The following FAF1 variants were observed in gnomAD, a reference collection of about 807,000 sequenced individuals.
FAF1 encodes the protein Fas associated factor 1, also known as FAS-associated factor 1.
FAF1 carries 25 observed loss-of-function variants against 92.5 expected under a neutral mutation model. The observed-to-expected ratio is 0.27, with a 90% CI of 0.20 to 0.38. The LOEUF (loss-of-function observed/expected upper bound fraction) is 0.38. Ranked by LOEUF, FAF1 falls within the 10% of genes least tolerant of loss-of-function variation. The pLI, the probability that FAF1 is intolerant of heterozygous loss-of-function variation, is 1.00. For missense variants in FAF1, 636 were observed against 793.3 expected, an observed-to-expected ratio of 0.80 and a Z score of 2.38; for synonymous variants, 234 against 273.2, an observed-to-expected ratio of 0.86 and a Z score of 1.42.
intron 8 of FAF1, among the ~76,000 whole-genome samples, chr1:50,619,066 A>G (rs532485085): frequency 6.6e-6 from 1 of 152,174 alleles, no homozygotes; most frequent in African/African-American, 2.4e-5. Flanking sequence ...CCCTTGCTCT[A>G]TTATGTTTTA....
intron 2 of FAF1, among the ~76,000 whole-genome samples, chr1:50,825,173 C>T (rs748267117): frequency 6.6e-6 from 1 of 152,016 alleles, no homozygotes; most frequent in Non-Finnish European, 1.5e-5. Context: ...CTGATTGTAT[C>T]ATTACACACT....
rs1646741884 is a variant in FAF1 at position 50,484,630 on chromosome 1, T to C, written c.1653+5958A>G. Among the ~76,000 whole-genome samples, 5 of 152,222 alleles carry C rather than the reference T, an allele frequency of 3.3e-5. No homozygotes were observed. The South Asian group carries it at 1.0e-3, about 32-fold the overall frequency. On this transcript the variant is annotated intron_variant, in intron 17 of 18. Transcript: ENST00000396153. ...ATGATGATGACAGGGATGATTATAA[T>C]TATGGCCCAGTGTGGACAAAAGCAA...
At chr1:50,650,198 C>T (rs1183525773) in intron 8 of FAF1, among the ~76,000 whole-genome samples, 3 of 148,232 alleles carry the variant, frequency 2.0e-5, no homozygotes, top group African/African-American at 2.5e-5. Flanking sequence ...GCAGGAGAAT[C>T]GTTTGAATCC....
At chr1:50,564,295 T>TTTTTTTTTTTTTGAG (rs1266408950) in intron 13 of FAF1, among the ~76,000 whole-genome samples, 1 of 152,066 alleles carries the variant, frequency 6.6e-6, no homozygotes. Context: ...TCTAAATTTT[T>TTTTTTTTTTTTTGAG]ATGGCCTGTC....
At chr1:50,457,151 GA>G (rs199757307) in intron 18 of FAF1, among the ~76,000 whole-genome samples, 10,422 of 127,876 alleles carry the variant, frequency 0.082, 412 homozygotes, top group East Asian at 0.11. Flanking sequence ...GAGGGAAAGT[GA>G]AAAAAAAAAA....
chr1:50,694,096 G>T (rs1452429979), intron 7 of FAF1, among the ~76,000 whole-genome samples: 4 of 138,114 alleles, frequency 2.9e-5, no homozygotes, highest in Non-Finnish European at 5.9e-5. Context: ...AAAAAAAACT[G>T]ACCAGCAAAA....
chr1:50,617,396 T>C (rs564876635), intron 8 of FAF1, among the ~76,000 whole-genome samples: 7 of 152,344 alleles, frequency 4.6e-5, no homozygotes, highest in Admixed American at 1.3e-4. Flanking sequence ...ACTGCGTCTA[T>C]TGAGATGATC....
chr1:50,712,434 T>A (rs1335242479), intron 6 of FAF1, among the ~76,000 whole-genome samples: 1 of 152,064 alleles, frequency 6.6e-6, no homozygotes, highest in Non-Finnish European at 1.5e-5. Context: ...GGTGGGTGTA[T>A]CCCTTGAGGC....
At chr1:50,693,992 T>G (rs1057045028) in intron 7 of FAF1, among the ~76,000 whole-genome samples, 8 of 132,546 alleles carry the variant, frequency 6.0e-5, no homozygotes, top group African/African-American at 2.0e-4. Context: ...TATATGTATA[T>G]GTGTCATTAT....
intron 13 of FAF1, among the ~76,000 whole-genome samples, chr1:50,551,308 T>G (rs1649300846): frequency 6.6e-6 from 1 of 152,190 alleles, no homozygotes; most frequent in South Asian, 2.1e-4. Flanking sequence ...CACAGTTTAA[T>G]GGTATATAGT....
chr1:50,836,951 CTTTTTTTTTTT>C (rs528322924), intron 2 of FAF1, among the ~76,000 whole-genome samples: 5 of 76,692 alleles, frequency 6.5e-5, no homozygotes, highest in South Asian at 5.4e-4. Context: ...TGTTATGTTT[CTTTTTTTTTTT>C]TTTTTTTTTT....
At chr1:50,778,971 T>G (rs976171575) in intron 4 of FAF1, among the ~76,000 whole-genome samples, 3 of 152,170 alleles carry the variant, frequency 2.0e-5, no homozygotes, top group African/African-American at 7.2e-5. Flanking sequence ...ACAGTTGGAG[T>G]CAATTCTCTC....
intron 7 of FAF1, among the ~76,000 whole-genome samples, chr1:50,672,187 G>A (rs971994915): frequency 1.3e-5 from 2 of 152,052 alleles, no homozygotes; most frequent in African/African-American, 4.8e-5. Flanking sequence ...TGGGATTACA[G>A]GCACCTGCCA....
chr1:50,716,831 G>A (rs773296876), intron 6 of FAF1, among the ~76,000 whole-genome samples: 1 of 152,174 alleles, frequency 6.6e-6, no homozygotes, highest in Admixed American at 6.5e-5. Context: ...CTAAAAGCTG[G>A]CCACCCCAGC....
At chr1:50,443,343 G>C (rs915235475) in intron 18 of FAF1, among the ~76,000 whole-genome samples, 2 of 152,180 alleles carry the variant, frequency 1.3e-5, no homozygotes, top group Non-Finnish European at 2.9e-5. Context: ...TGAGAAAGCT[G>C]CATCCAAGAA....
chr1:50,853,905 T>C (rs1328457067), intron 2 of FAF1, among the ~76,000 whole-genome samples: 2 of 152,084 alleles, frequency 1.3e-5, no homozygotes, highest in Admixed American at 6.6e-5. Flanking sequence ...CTGCTATTCA[T>C]TGAATTTTAA....
At chr1:50,704,694 C>T (rs1388367783) in intron 7 of FAF1, among the ~76,000 whole-genome samples, 1 of 151,760 alleles carries the variant, frequency 6.6e-6, no homozygotes, top group African/African-American at 2.4e-5. Flanking sequence ...AATTAAATAA[C>T]GCAAACCTAC....
intron 18 of FAF1, 75 bp from the exon 19 acceptor site, chr1:50,441,598 A>G (rs902226358): frequency 2.8e-5 from 20 of 723,354 alleles, no homozygotes; most frequent in Admixed American, 5.9e-5. Context: ...CATTTTATCT[A>G]TGCACACTGA....
chr1:50,781,980 A>T (rs1661195552), intron 4 of FAF1, among the ~76,000 whole-genome samples: 1 of 152,176 alleles, frequency 6.6e-6, no homozygotes, highest in Non-Finnish European at 1.5e-5. Flanking sequence ...AGCCACTGTA[A>T]CATTGTAGCA....
Sources: gnomAD v4.1 joint callset for allele counts (sites outside exome capture counted in the v4.1 genomes callset) on GRCh38, gnomAD v4.1.1 for gene constraint, MANE v1.5 for transcripts, NCBI Gene and HGNC (gene_info 2026-07-23, HGNC 2026-07-21) for gene names.